The following MPPED1 variants were observed in gnomAD, a reference collection of about 807,000 sequenced individuals.
The protein encoded by MPPED1 is metallophosphoesterase domain-containing protein 1.
A neutral mutation model predicts 36.2 loss-of-function variants in MPPED1; 16 were observed. The observed-to-expected ratio is 0.44, with a 90% CI of 0.30 to 0.67. The LOEUF (loss-of-function observed/expected upper bound fraction) is 0.67. MPPED1 is among the 30% of genes least tolerant of loss of function. MPPED1 has a pLI of 0.10. For synonymous variants in MPPED1, 199 were observed against 191.3 expected, an observed-to-expected ratio of 1.04 and a Z score of -0.33; for missense variants, 307 against 453.4, an observed-to-expected ratio of 0.68 and a Z score of 2.93.
intron 3 of MPPED1, among the ~76,000 whole-genome samples, chr22:43,446,673 G>C (rs1169002511): frequency 6.6e-6 from 1 of 152,196 alleles, no homozygotes; most frequent in Non-Finnish European, 1.5e-5. Context: ...TGGCAAGTGA[G>C]GCGGCCTGGG....
At chr22:43,468,975 C>A (rs1008695723) in intron 3 of MPPED1, among the ~76,000 whole-genome samples, 2 of 152,168 alleles carry the variant, frequency 1.3e-5, no homozygotes, top group Non-Finnish European at 2.9e-5. Flanking sequence ...CACTGCTGTC[C>A]ACCGTGCCCA....
intron 3 of MPPED1, among the ~76,000 whole-genome samples, chr22:43,452,443 G>C (rs1930604235): frequency 6.6e-6 from 1 of 152,180 alleles, no homozygotes; most frequent in South Asian, 2.1e-4. Flanking sequence ...GCCTGTGTGT[G>C]TCTCCCTCCA....
In MPPED1 at chr22:43,502,618, G is replaced by A. The variant is rs1932757712; in HGVS notation, c.749-26G>A. Reference sequence around the variant, plus strand: ...AGGGGCTGGGACAGACCGCGTCATGGCCTCCTGTTGTCTCCCCCATACCAG... The same window carrying A: ...AGGGGCTGGGACAGACCGCGTCATGACCTCCTGTTGTCTCCCCCATACCAG... On this transcript the variant is annotated intron_variant, in intron 5 of 6. Transcript: ENST00000443721. This position sits in a 1 kb window ranked among gnomAD's most constrained non-coding sequence, Gnocchi z 5.5. 6.3e-7 allele frequency: 1 copy of A among 1,589,048 alleles called. No individual in the cohort carries two copies. The highest frequency in any genetic ancestry group is 1.3e-5 in the African/African-American group (1 of 74,568).
At chr22:43,440,278 C>T (rs999115459) in intron 3 of MPPED1, among the ~76,000 whole-genome samples, 4 of 152,202 alleles carry the variant, frequency 2.6e-5, no homozygotes, top group African/African-American at 4.8e-5. Context: ...CCACACACGA[C>T]TTGGGAAGTG....
At chr22:43,442,039 A>G (rs1186361107) in intron 3 of MPPED1, among the ~76,000 whole-genome samples, 1 of 152,130 alleles carries the variant, frequency 6.6e-6, no homozygotes, top group East Asian at 1.9e-4. Flanking sequence ...GCTCACAGGC[A>G]TGGTAATTAG....
chr22:43,484,809 G>A (rs1346251242), intron 4 of MPPED1, among the ~76,000 whole-genome samples: 1 of 152,138 alleles, frequency 6.6e-6, no homozygotes, highest in East Asian at 1.9e-4. Context: ...GGGCTTGGGA[G>A]CCAGCTGGTA....
At position 43,502,991 on chromosome 22, in the gene MPPED1, G is replaced by A. The variant is rs974304018; in HGVS notation, c.862+234G>A. Among the ~76,000 whole-genome samples, 8 of 152,206 alleles carry A rather than the reference G, an allele frequency of 5.3e-5. No individual in the cohort carries two copies. Among genetic ancestry groups the A allele is most frequent in the Admixed American group, 4.6e-4 (7 of 15,288 alleles). ...GACTTAGGGGGTAAATTTTGCTTCC[G>A]GGGAGCCCTGCAACTCTGCTGTGCC... On this transcript the variant is annotated intron_variant, in intron 6 of 6. Coordinates refer to ENST00000443721, the MANE Select transcript of MPPED1 (RefSeq NM_001044370.2). This position sits in a 1 kb window ranked among gnomAD's most constrained non-coding sequence, Gnocchi z 5.5.
chr22:43,452,656 G>C (rs1445694264), intron 3 of MPPED1, among the ~76,000 whole-genome samples: 2 of 152,148 alleles, frequency 1.3e-5, no homozygotes, highest in Non-Finnish European at 2.9e-5. Flanking sequence ...TTGAGACAGA[G>C]TCTTGTTTTG....
At chr22:43,481,925 G>A (rs1447999006) in intron 4 of MPPED1, among the ~76,000 whole-genome samples, 1 of 152,186 alleles carries the variant, frequency 6.6e-6, no homozygotes, top group African/African-American at 2.4e-5. Flanking sequence ...GTTCAGGCAA[G>A]AAGGGATGAA....
At chr22:43,460,211 AC>A (rs1930900015) in intron 3 of MPPED1, among the ~76,000 whole-genome samples, 2 of 45,020 alleles carry the variant, frequency 4.4e-5, no homozygotes, top group African/African-American at 4.0e-4. Flanking sequence ...ATCTCAAAAA[AC>A]AAAAACAAAA....
chr22:43,500,350 TGGTGATGGA>T (rs1932679517), intron 5 of MPPED1, among the ~76,000 whole-genome samples: 6 of 142,224 alleles, frequency 4.2e-5, no homozygotes, highest in Non-Finnish European at 1.5e-5. Flanking sequence ...GTGGTGGTGA[TGGTGATGGA>T]GGTGGTGATG....
In MPPED1 at chr22:43,502,873, G is replaced by A. The variant is rs1407789778; in HGVS notation, c.862+116G>A. Reference sequence around the variant, plus strand: ...AATAAATAGCCCATTCCTACTGTTCGCTTTGTAACTGCTAACTGCCATACA... The same window carrying A: ...AATAAATAGCCCATTCCTACTGTTCACTTTGTAACTGCTAACTGCCATACA... On this transcript the variant is annotated intron_variant, in intron 6 of 6. Transcript: ENST00000443721. The surrounding 1 kb of genome is among the most constrained non-coding windows in gnomAD (Gnocchi z 5.5). 15 of 836,542 alleles carry A rather than the reference G, an allele frequency of 1.8e-5. No homozygotes were observed. The highest frequency in any genetic ancestry group is 1.2e-4 in the African/African-American group (7 of 59,038). The allele number at this position is 836,542 out of a possible 1,614,324, so 51.8% of individuals were successfully genotyped here. A position where few individuals can be genotyped will look rare whatever the true frequency, so the allele number is the denominator to read the frequency against.
At chr22:43,412,255 G>A (rs1928928427) in intron 1 of MPPED1, 97 bp downstream of exon 1, 1 of 795,718 alleles carries the variant, frequency 1.3e-6, no homozygotes, top group Non-Finnish European at 1.5e-6. Context: ...GACGCCCGCG[G>A]CGCTGCGCAG....
chr22:43,457,973 A>C (rs558598464), intron 3 of MPPED1, among the ~76,000 whole-genome samples: 1 of 152,280 alleles, frequency 6.6e-6, no homozygotes, highest in Admixed American at 6.5e-5. Flanking sequence ...AATTTTACTT[A>C]CTTTTCTATG....
rs1354120243 is a variant in MPPED1 at position 43,424,669 on chromosome 22, G to A, written c.-78-239G>A. On this transcript the variant is annotated intron_variant, in intron 1 of 6. Coordinates refer to ENST00000443721, the MANE Select transcript of MPPED1 (RefSeq NM_001044370.2). ...CATGCATGCATCCGTCCACAGTGCT[G>A]TGGGTTGTTTTTTTTTCTTTTTTTT... Among the ~76,000 whole-genome samples, 12 of 133,238 alleles carry A rather than the reference G, an allele frequency of 9.0e-5. No individual in the cohort carries two copies. The Admixed American group carries it at 9.3e-4, about 10-fold the overall frequency. The allele number at this position is 133,238 out of a possible 152,430, so 87.4% of individuals were successfully genotyped here.
intron 4 of MPPED1, among the ~76,000 whole-genome samples, chr22:43,494,025 C>G (rs893881790): frequency 6.6e-6 from 1 of 152,094 alleles, no homozygotes; most frequent in Non-Finnish European, 1.5e-5. Context: ...CTCTTCCGGG[C>G]CACTCTTCTA....
intron 4 of MPPED1, among the ~76,000 whole-genome samples, chr22:43,488,988 G>A (rs1008665114): frequency 8.5e-5 from 13 of 152,188 alleles, no homozygotes; most frequent in African/African-American, 3.1e-4. Context: ...TCAGGCATTC[G>A]TGAGTCTCAG....
At chr22:43,424,200 G>C (rs1237382213) in intron 1 of MPPED1, among the ~76,000 whole-genome samples, 3 of 152,182 alleles carry the variant, frequency 2.0e-5, no homozygotes, top group Non-Finnish European at 2.9e-5. Context: ...CCTTACGAGA[G>C]AGATGGTAGT....
At chr22:43,472,790 T>C (rs1055308758) in intron 3 of MPPED1, among the ~76,000 whole-genome samples, 1 of 152,110 alleles carries the variant, frequency 6.6e-6, no homozygotes, top group African/African-American at 2.4e-5. Flanking sequence ...ATAGGGCACG[T>C]GGTTAGACAG....
Sources: gnomAD v4.1 joint callset for allele counts (sites outside exome capture counted in the v4.1 genomes callset) on GRCh38, gnomAD v4.1.1 for gene constraint, Gnocchi (gnomAD v3.1) non-coding constraint, MANE v1.5 for transcripts, NCBI Gene and HGNC (gene_info 2026-07-23, HGNC 2026-07-21) for gene names.